Variants in SEMA6D observed in about 807,000 individuals in gnomAD.
SEMA6D encodes semaphorin-6D.
In SEMA6D, 35 loss-of-function variants were observed where a neutral mutation model predicts 106.6. That is an observed-to-expected ratio of 0.33 (90% CI 0.25 to 0.44). The LOEUF (loss-of-function observed/expected upper bound fraction) is 0.44. SEMA6D is among the 20% of genes least tolerant of loss of function. SEMA6D has a pLI of 1.00. For missense variants in SEMA6D, 1,185 were observed against 1,345.9 expected, an observed-to-expected ratio of 0.88 and a Z score of 1.87; for synonymous variants, 499 against 487.7, an observed-to-expected ratio of 1.02 and a Z score of -0.31.
At chr15:47,654,065 A>G (rs1375530762) in intron 4 of SEMA6D, among the ~76,000 whole-genome samples, 1 of 152,188 alleles carries the variant, frequency 6.6e-6, no homozygotes, top group Non-Finnish European at 1.5e-5. Context: ...ATCTTCTACA[A>G]GGGTCCCACA....
intron 1 of SEMA6D, among the ~76,000 whole-genome samples, chr15:47,364,724 G>T (rs906276568): frequency 6.6e-6 from 1 of 151,464 alleles, no homozygotes; most frequent in African/African-American, 2.4e-5. Context: ...AGCCTCACAC[G>T]TACTTCCTAT....
At chr15:47,732,525 G>A (rs2080189774) in intron 1 of SEMA6D, among the ~76,000 whole-genome samples, 2 of 152,164 alleles carry the variant, frequency 1.3e-5, no homozygotes, top group Admixed American at 6.5e-5. Context: ...CTTGGGCAGG[G>A]GAATGGGACC....
intron 4 of SEMA6D, among the ~76,000 whole-genome samples, chr15:47,615,972 G>C (rs926037050): frequency 6.6e-6 from 1 of 152,092 alleles, no homozygotes; most frequent in Non-Finnish European, 1.5e-5. Flanking sequence ...CACATGTTGA[G>C]GCCCAATTCA....
chr15:47,329,776 A>G (rs2037271503), intron 1 of SEMA6D, among the ~76,000 whole-genome samples: 1 of 152,300 alleles, frequency 6.6e-6, no homozygotes, highest in South Asian at 2.1e-4. Context: ...GGTTGGAACT[A>G]TCTGTGTTTT....
intron 1 of SEMA6D, among the ~76,000 whole-genome samples, chr15:47,738,223 T>A (rs1250157479): frequency 9.9e-5 from 15 of 152,122 alleles, no homozygotes; most frequent in Non-Finnish European, 1.5e-5. Flanking sequence ...AATGTTCAAC[T>A]CCCACTAATG....
At chr15:47,556,469 T>G (rs1019850526) in intron 3 of SEMA6D, among the ~76,000 whole-genome samples, 3 of 152,184 alleles carry the variant, frequency 2.0e-5, no homozygotes, top group African/African-American at 7.2e-5. Flanking sequence ...TCGAATTTGT[T>G]TAAGTTGATT....
At chr15:47,564,408 T>G (rs114923252) in intron 3 of SEMA6D, among the ~76,000 whole-genome samples, 2,542 of 152,318 alleles carry the variant, frequency 0.017, 71 homozygotes, top group African/African-American at 0.058. Context: ...TACAGGATAT[T>G]AATGTAGATC....
intron 3 of SEMA6D, among the ~76,000 whole-genome samples, chr15:47,508,831 A>G (rs920178091): frequency 1.3e-5 from 2 of 152,204 alleles, no homozygotes; most frequent in Non-Finnish European, 2.9e-5. Flanking sequence ...TTCTTGACTT[A>G]TCTATGTCTT....
At chr15:47,338,242 T>TA (rs1595762771) in intron 1 of SEMA6D, among the ~76,000 whole-genome samples, 1 of 152,194 alleles carries the variant, frequency 6.6e-6, no homozygotes, top group African/African-American at 2.4e-5. Context: ...AATGGGTTAT[T>TA]AATTTAGGAA....
At chr15:47,285,087 A>G (rs1431851132) in intron 1 of SEMA6D, among the ~76,000 whole-genome samples, 1 of 152,216 alleles carries the variant, frequency 6.6e-6, no homozygotes, top group Non-Finnish European at 1.5e-5. Context: ...TGTGTATTAA[A>G]TAAATGATAA....
chr15:47,530,320 T>C (rs16959666), intron 3 of SEMA6D, among the ~76,000 whole-genome samples: 3,076 of 152,310 alleles, frequency 0.02, 110 homozygotes, highest in African/African-American at 0.071. Flanking sequence ...AACATCTAAC[T>C]TGTGAGTAAT....
chr15:47,552,891 A>T (rs11630606), intron 3 of SEMA6D, among the ~76,000 whole-genome samples: 18 of 35,274 alleles, frequency 5.1e-4, no homozygotes, highest in South Asian at 7.1e-4. Context: ...AATATATATA[A>T]ATATATATAT....
chr15:47,274,436 A>G (rs573269367), intron 1 of SEMA6D: 5 of 152,298 alleles, frequency 3.3e-5, no homozygotes, highest in Middle Eastern at 6.8e-3. Flanking sequence ...TAAATTGAAT[A>G]CAATGTATTT....
intron 8 of SEMA6D, 50 bp downstream of exon 8, chr15:47,762,369 A>C (rs1251082861): frequency 6.2e-7 from 1 of 1,600,304 alleles, no homozygotes; most frequent in Non-Finnish European, 8.5e-7. Context: ...TGGATGGCCC[A>C]AGTGGGGACA....
chr15:47,561,590 A>T (rs1414482696), intron 3 of SEMA6D, among the ~76,000 whole-genome samples: 1 of 151,500 alleles, frequency 6.6e-6, no homozygotes, highest in African/African-American at 2.4e-5. Flanking sequence ...TATATTTAAA[A>T]TATATAGGAT....
intron 1 of SEMA6D, among the ~76,000 whole-genome samples, chr15:47,266,156 C>G (rs1248310673): frequency 1.3e-5 from 2 of 152,082 alleles, no homozygotes; most frequent in African/African-American, 4.8e-5. Flanking sequence ...ACAATCTGCT[C>G]CACAGTTTTG....
At chr15:47,574,502 A>C (rs1447811687) in intron 3 of SEMA6D, among the ~76,000 whole-genome samples, 1 of 152,226 alleles carries the variant, frequency 6.6e-6, no homozygotes, top group African/African-American at 2.4e-5. Flanking sequence ...AAAGGGAAGC[A>C]AATTTTCCCT....
intron 4 of SEMA6D, among the ~76,000 whole-genome samples, chr15:47,607,946 T>C (rs1470686656): frequency 6.6e-6 from 1 of 152,240 alleles, no homozygotes; most frequent in Non-Finnish European, 1.5e-5. Flanking sequence ...CATTTCTCTT[T>C]GTCTTATCTT....
At position 47,771,451 on chromosome 15, in the gene SEMA6D, G is replaced by A. The variant is rs765065493; in HGVS notation, c.2888G>A (p.Gly963Asp). 33 of 1,614,086 alleles carry A rather than the reference G, an allele frequency of 2.0e-5. No individual in the cohort carries two copies. Among genetic ancestry groups the A allele is most frequent in the Non-Finnish European group, 2.7e-5 (32 of 1,180,002 alleles). ...ATGACTTCTCTGGAAAGACAAAGAG[G>A]TTATCACAAAAATTCCTCCCAGAGG... ...VPMTSLERQR[G>D]YHKNSSQRHS... is the part of the protein sequence containing the mutation. Residue 963 changes from glycine (G) to aspartate (D), a missense_variant, in exon 19 of 19, where the codon GGT becomes GAT. Physicochemically the swap from Gly to Asp is moderately conservative, Grantham distance 94. Around this residue, in one of 3 missense-constraint regions of SEMA6D, gnomAD observed 750 missense variants for 783.5 expected, o/e 0.96. Transcript: ENST00000536845.
Sources: gnomAD v4.1 joint callset for allele counts (sites outside exome capture counted in the v4.1 genomes callset) on GRCh38, gnomAD v4.1.1 for gene constraint, gnomAD v4.1.1 regional missense constraint, MANE v1.5 for transcripts, NCBI Gene and HGNC (gene_info 2026-07-23, HGNC 2026-07-21) for gene names.